Variants in LGSN observed in about 807,000 individuals in gnomAD.
LGSN encodes the protein lengsin, lens protein with glutamine synthetase domain, also known as lengsin.
LGSN carries 21 observed loss-of-function variants against 19.5 expected under a neutral mutation model. That is an observed-to-expected ratio of 1.07 (90% CI 0.76 to 1.55). The LOEUF (loss-of-function observed/expected upper bound fraction) is 1.55, where lower values mean the gene tolerates loss of function less well. Among genes scored for constraint, LGSN ranks in the 40% most tolerant of loss-of-function variants. The probability of loss-of-function intolerance (pLI) is 0.00; values close to 1 mark genes in which losing one functional copy is unlikely to be tolerated. For synonymous variants in LGSN, 257 were observed against 215.6 expected, an observed-to-expected ratio of 1.19 and a Z score of -1.68; for missense variants, 673 against 608.5, an observed-to-expected ratio of 1.11 and a Z score of -1.12.
chr6:63,310,884 T>C (rs1451212406), intron 1 of LGSN, among the ~76,000 whole-genome samples: 1 of 152,194 alleles, frequency 6.6e-6, no homozygotes, highest in African/African-American at 2.4e-5. Context: ...GAAGTAGAAC[T>C]CTCTAGTGAA....
chr6:63,294,984 G>C lies in LGSN; in HGVS notation c.92C>G (p.Thr31Arg), dbSNP rs752285746. The change falls in exon 2 of 4, where the codon ACA (threonine) becomes AGA (arginine). Residue 31 changes from threonine to arginine, a missense_variant. Coordinates refer to ENST00000370657, the MANE Select transcript of LGSN (RefSeq NM_016571.3). ...ATATGGTTTAGTGACTTTCTTCCTT[G>C]TCCTTCTTAATGTGTTCATGCTGTT... ...EANSMNTLRR[T>R]RKKVTKPYVC... The C allele has an allele frequency of 2.5e-5, 40 of 1,613,252 alleles. No individual in the cohort carries two copies. In the Admixed American group the frequency reaches 6.7e-4, roughly 27 times the overall value.
chr6:63,341,944 T>C, the LGSN span, among the ~76,000 whole-genome samples: 2 of 152,172 alleles, frequency 1.3e-5, no homozygotes, highest in Non-Finnish European at 2.9e-5. Context: ...GCTACCAGGA[T>C]TCTAAGTCAA....
the LGSN span, among the ~76,000 whole-genome samples, chr6:63,445,038 G>A: frequency 5.3e-5 from 8 of 152,192 alleles, no homozygotes; most frequent in Non-Finnish European, 7.3e-5. Flanking sequence ...ATAGCCTGGC[G>A]CGGTGGCTTT....
chr6:63,382,433 T>C, the LGSN span, among the ~76,000 whole-genome samples: 5 of 152,318 alleles, frequency 3.3e-5, no homozygotes, highest in South Asian at 2.1e-4. Context: ...ATATAGGTTT[T>C]CTTTTACAGC....
the LGSN span, among the ~76,000 whole-genome samples, chr6:63,510,811 C>T: frequency 6.4e-3 from 977 of 151,542 alleles, 7 homozygotes; most frequent in Non-Finnish European, 0.012. Flanking sequence ...GTAGCTGGGA[C>T]AACAGGCGCA....
chr6:63,551,974 G>A, the LGSN span, among the ~76,000 whole-genome samples: 1 of 152,144 alleles, frequency 6.6e-6, no homozygotes, highest in Non-Finnish European at 1.5e-5. Flanking sequence ...CCAAGTCTTT[G>A]CTATTGTGAG....
chr6:63,416,125 CT>C, the LGSN span, among the ~76,000 whole-genome samples: 15,342 of 136,232 alleles, frequency 0.11, 1,802 homozygotes, highest in African/African-American at 0.31. Context: ...TTTTTTTTTG[CT>C]TTTTTTTTTT....
At chr6:63,476,218 T>C in the LGSN span, among the ~76,000 whole-genome samples, 1 of 152,194 alleles carries the variant, frequency 6.6e-6, no homozygotes, top group Non-Finnish European at 1.5e-5. Flanking sequence ...CATAATTACA[T>C]GACTTGTTTA....
chr6:63,364,842 T>C, the LGSN span, among the ~76,000 whole-genome samples: 1 of 150,246 alleles, frequency 6.7e-6, no homozygotes, highest in Non-Finnish European at 1.5e-5. Context: ...GACTACTGGG[T>C]ACATAACAAA....
the LGSN span, among the ~76,000 whole-genome samples, chr6:63,535,182 T>C: frequency 3.3e-5 from 5 of 151,810 alleles, no homozygotes; most frequent in African/African-American, 1.2e-4. Flanking sequence ...AACACAGTAA[T>C]AGGACAGGCA....
chr6:63,407,543 ACTAT>A, the LGSN span, among the ~76,000 whole-genome samples: 1 of 152,056 alleles, frequency 6.6e-6, no homozygotes, highest in Admixed American at 6.6e-5. Flanking sequence ...AATAATAAGA[ACTAT>A]CTATGACAAA....
At chr6:63,452,612 A>G in the LGSN span, among the ~76,000 whole-genome samples, 1 of 151,542 alleles carries the variant, frequency 6.6e-6, no homozygotes, top group Non-Finnish European at 1.5e-5. Flanking sequence ...AGGAAATGTA[A>G]TGATGTCCCC....
At chr6:63,548,760 A>T in the LGSN span, 1 of 702,640 alleles carries the variant, frequency 1.4e-6, no homozygotes, top group Non-Finnish European at 2.6e-6. Context: ...GAGCTTGCCA[A>T]TGCAAGCCAC....
chr6:63,362,842 A>T, the LGSN span, among the ~76,000 whole-genome samples: 1 of 152,316 alleles, frequency 6.6e-6, no homozygotes, highest in East Asian at 1.9e-4. Context: ...AGGTCTGAAG[A>T]GAGTAGTGGT....
chr6:63,421,588 T>C, the LGSN span, among the ~76,000 whole-genome samples: 1 of 151,252 alleles, frequency 6.6e-6, no homozygotes, highest in African/African-American at 2.4e-5. Flanking sequence ...ATTAGCTGGG[T>C]GTGGTGGCAC....
the LGSN span, among the ~76,000 whole-genome samples, chr6:63,338,952 A>T: frequency 6.6e-6 from 1 of 152,122 alleles, no homozygotes; most frequent in Non-Finnish European, 1.5e-5. Context: ...CATGGTGTTT[A>T]ATTTCCATAT....
At chr6:63,412,546 G>GA in the LGSN span, among the ~76,000 whole-genome samples, 1 of 117,802 alleles carries the variant, frequency 8.5e-6, no homozygotes, top group Admixed American at 9.7e-5. Flanking sequence ...AAGAAAGAAA[G>GA]AAAGAAAGAA....
the LGSN span, among the ~76,000 whole-genome samples, chr6:63,397,884 G>A: frequency 6.6e-6 from 1 of 152,036 alleles, no homozygotes; most frequent in Non-Finnish European, 1.5e-5. Context: ...AGGTTGCAAT[G>A]AGACAAGATC....
chr6:63,554,359 TC>T, the LGSN span, among the ~76,000 whole-genome samples: 3 of 152,326 alleles, frequency 2.0e-5, no homozygotes, highest in Middle Eastern at 0.01. Context: ...GACCAGAAAT[TC>T]TTATACACTT....
Sources: gnomAD v4.1 joint callset for allele counts (sites outside exome capture counted in the v4.1 genomes callset) on GRCh38, gnomAD v4.1.1 for gene constraint, MANE v1.5 for transcripts, NCBI Gene and HGNC (gene_info 2026-07-23, HGNC 2026-07-21) for gene names.